The following RNF8 variants were observed in gnomAD, a reference collection of about 807,000 sequenced individuals.
The protein encoded by RNF8 is E3 ubiquitin-protein ligase RNF8.
In RNF8, 8 loss-of-function variants were observed where a neutral mutation model predicts 59.3. That is an observed-to-expected ratio of 0.13 (90% CI 0.08 to 0.24). The LOEUF is 0.24. Among genes scored for constraint, RNF8 ranks in the 10% least tolerant of loss-of-function variants. The pLI, the probability that RNF8 is intolerant of heterozygous loss-of-function variation, is 1.00. For synonymous variants in RNF8, 162 were observed against 200.0 expected (o/e 0.81, Z 1.60); for missense variants, 406 against 572.6 (o/e 0.71, Z 2.97).
intron 4 of RNF8, among the ~76,000 whole-genome samples, chr6:37,374,318 A>G (rs1769926789): frequency 6.6e-6 from 1 of 152,216 alleles, no homozygotes; most frequent in Non-Finnish European, 1.5e-5. Context: ...CCAAACCTAT[A>G]GAAGCAGACT....
intron 2 of RNF8, among the ~76,000 whole-genome samples, chr6:37,363,723 A>T (rs1296537701): frequency 6.6e-6 from 1 of 152,224 alleles, no homozygotes; most frequent in Non-Finnish European, 1.5e-5. Flanking sequence ...TTGAACATAC[A>T]TATAGCTCTT....
chr6:37,354,195 G>C lies in RNF8; in HGVS notation c.31G>C (p.Asp11His), dbSNP rs548811640. ...GGAGCCCGGCTTCTTCGTCACAGGAGACCGCGCCGGTGGCCGGAGCTGGTG... is the reference window on the plus strand; with the variant it reads ...GGAGCCCGGCTTCTTCGTCACAGGACACCGCGCCGGTGGCCGGAGCTGGTG... MGEPGFFVTG[D>H]RAGGRSWCLR... The change falls in exon 1 of 8, where the codon GAC (aspartate) becomes CAC (histidine). Residue 11 changes from aspartate to histidine, a missense_variant. Physicochemically the swap from Asp to His is moderately conservative, Grantham distance 81. Around this residue, in one of 3 missense-constraint regions of RNF8, gnomAD observed 62 missense variants for 112.2 expected, o/e 0.55. Coordinates refer to ENST00000373479, the MANE Select transcript of RNF8 (RefSeq NM_003958.4). 1 of 1,585,066 alleles carries C rather than the reference G, an allele frequency of 6.3e-7. No individual in the cohort carries two copies. The highest frequency in any genetic ancestry group is 8.6e-7 in the Non-Finnish European group (1 of 1,166,478).
At chr6:37,359,021 G>A (rs1343993252) in intron 1 of RNF8, among the ~76,000 whole-genome samples, 2 of 152,090 alleles carry the variant, frequency 1.3e-5, no homozygotes, top group African/African-American at 4.8e-5. Flanking sequence ...GCTTGAACCC[G>A]GGAGGCAGAG....
At chr6:37,384,004 C>T (rs1037834708) in intron 7 of RNF8, among the ~76,000 whole-genome samples, 1 of 151,826 alleles carries the variant, frequency 6.6e-6, no homozygotes, top group East Asian at 1.9e-4. Context: ...CTTTTCCTAG[C>T]GGTTTCTTTG....
At chr6:37,379,908 TTTTG>T (rs771255393) in intron 6 of RNF8, among the ~76,000 whole-genome samples, 42 of 152,142 alleles carry the variant, frequency 2.8e-4, no homozygotes, top group African/African-American at 8.7e-4. Flanking sequence ...TATTGTTTGT[TTTTG>T]TTTGTTTGTT....
chr6:37,381,414 A>G, intron 7 of RNF8, 60 bp downstream of exon 7: 2 of 1,459,248 alleles, frequency 1.4e-6, no homozygotes, highest in Non-Finnish European at 1.9e-6. Flanking sequence ...CCAAACTTCA[A>G]CAAATATTTT....
chr6:37,369,283 T>G, intron 3 of RNF8, 65 bp downstream of exon 3: 35 of 1,471,710 alleles, frequency 2.4e-5, no homozygotes, highest in Non-Finnish European at 3.0e-5. Flanking sequence ...CATGAGTCTC[T>G]GGCCAGAGTT....
intron 6 of RNF8, among the ~76,000 whole-genome samples, chr6:37,379,992 C>T (rs1770186209): frequency 6.6e-6 from 1 of 152,198 alleles, no homozygotes; most frequent in East Asian, 1.9e-4. Context: ...TGGCTCACTG[C>T]AGCCTCTAGC....
At chr6:37,390,652 A>C in intron 7 of RNF8, 90 bp from the exon 8 acceptor site, 10 of 893,584 alleles carry the variant, frequency 1.1e-5, no homozygotes, top group Non-Finnish European at 1.6e-5. Context: ...TGTGTGAGGA[A>C]GAGACAGGGT....
At chr6:37,367,118 A>G (rs575868932) in intron 2 of RNF8, among the ~76,000 whole-genome samples, 1 of 152,372 alleles carries the variant, frequency 6.6e-6, no homozygotes, top group African/African-American at 2.4e-5. Flanking sequence ...GAACCAAGGC[A>G]TAGTAATAGT....
In RNF8 at chr6:37,354,230, G is replaced by A. The variant is rs758231630; in HGVS notation, c.66G>A (p.Arg22=). 1.9e-6 allele frequency: 3 copies of A among 1,575,882 alleles called. No homozygotes were observed. The highest frequency in any genetic ancestry group is 1.7e-6 in the Non-Finnish European group (2 of 1,161,752). ...GTGGCCGGAGCTGGTGCCTGCGGCG[G>A]GTGGGGATGAGCGCCGGGTGGCTGC... The part of the protein sequence containing the change: ...RAGGRSWCLR[R]VGMSAGWLLL... Residue 22 remains arginine (R), a synonymous_variant, in exon 1 of 8, where the codon CGG becomes CGA. Transcript: ENST00000373479.
intron 1 of RNF8, among the ~76,000 whole-genome samples, chr6:37,356,313 GAGA>G (rs1235574589): frequency 2.0e-5 from 3 of 150,562 alleles, no homozygotes; most frequent in Admixed American, 6.6e-5. Context: ...TCAAAGGCAA[GAGA>G]AGAAGTTGTA....
rs181850159 is a variant in RNF8 at position 37,363,615 on chromosome 6, G to A, written c.240+3041G>A. On this transcript the variant is annotated intron_variant, in intron 2 of 7. Transcript: ENST00000373479. ...TAAAATTGAAGACTAGTGATGCCAG[G>A]TATTGGTAAGGATATGGAGTGATAG... Among the ~76,000 whole-genome samples the A allele has an allele frequency of 3.7e-4, 56 of 152,298 alleles. 1 individual carries two copies. The highest frequency in any genetic ancestry group is 3.1e-3 in the Admixed American group (47 of 15,302).
intron 7 of RNF8, among the ~76,000 whole-genome samples, chr6:37,387,964 G>A (rs969134373): frequency 2.0e-5 from 3 of 152,214 alleles, no homozygotes; most frequent in Non-Finnish European, 4.4e-5. Context: ...ACTGGGTCAT[G>A]CAGGGTGTTA....
rs530943215 is a variant in RNF8, at chr6:37,384,590, G to T, written c.1441+3236G>T. Among the ~76,000 whole-genome samples the T allele has an allele frequency of 2.0e-5, 3 of 152,338 alleles. No homozygotes were observed. In the East Asian group the frequency reaches 5.8e-4, roughly 29 times the overall value. On this transcript the variant is annotated intron_variant, in intron 7 of 7. Transcript: ENST00000373479. ...GAGGTTGGGGGTGTCTGGGGAGATG[G>T]ATCCAGGTCAGACCACATGGCCTGT... is the stretch of plus-strand genomic sequence containing the variant.
chr6:37,356,633 AAAAC>A (rs1769124641), intron 1 of RNF8, among the ~76,000 whole-genome samples: 1 of 152,192 alleles, frequency 6.6e-6, no homozygotes, highest in Non-Finnish European at 1.5e-5. Flanking sequence ...GCCTTTGGGG[AAAAC>A]AACAGAACCT....
At chr6:37,368,053 G>A (rs1769638566) in intron 2 of RNF8, among the ~76,000 whole-genome samples, 2 of 152,146 alleles carry the variant, frequency 1.3e-5, no homozygotes, top group Non-Finnish European at 2.9e-5. Context: ...GTGCGTTAAG[G>A]AACCACATCC....
chr6:37,368,046 C>T (rs1481898827), intron 2 of RNF8, among the ~76,000 whole-genome samples: 1 of 152,166 alleles, frequency 6.6e-6, no homozygotes, highest in Non-Finnish European at 1.5e-5. Context: ...CTTACCAGTG[C>T]GTTAAGGAAC....
At chr6:37,377,061 CTTTTTTTTTTTTTTT>C (rs35985063) in intron 6 of RNF8, 28 bp downstream of exon 6, 22 of 257,994 alleles carry the variant, frequency 8.5e-5, no homozygotes, top group Middle Eastern at 2.4e-3. Flanking sequence ...CTCACCCCTT[CTTTTTTTTTTTTTTT>C]TTTTTTTTTT....
Sources: gnomAD v4.1 joint callset for allele counts (sites outside exome capture counted in the v4.1 genomes callset) on GRCh38, gnomAD v4.1.1 for gene constraint, gnomAD v4.1.1 regional missense constraint, MANE v1.5 for transcripts, NCBI Gene and HGNC (gene_info 2026-07-23, HGNC 2026-07-21) for gene names.